The following NPEPPS variants were observed in gnomAD, a reference collection of about 807,000 sequenced individuals.
NPEPPS encodes puromycin-sensitive aminopeptidase.
In NPEPPS, 14 loss-of-function variants were observed where a neutral mutation model predicts 115.5. The observed-to-expected ratio is 0.12, with a 90% CI of 0.08 to 0.19. The LOEUF is 0.19. Among genes scored for constraint, NPEPPS ranks in the 10% least tolerant of loss-of-function variants. The pLI is 1.00. For synonymous variants in NPEPPS, 285 were observed against 390.6 expected, an observed-to-expected ratio of 0.73 and a Z score of 3.19; for missense variants, 523 against 1,110.8, an observed-to-expected ratio of 0.47 and a Z score of 7.52.
intron 17 of NPEPPS, among the ~76,000 whole-genome samples, chr17:47,610,559 T>C (rs1913789492): frequency 6.6e-6 from 1 of 151,636 alleles, no homozygotes; most frequent in Admixed American, 6.6e-5. Flanking sequence ...AATTTTTGTA[T>C]TATTAGTAGA....
chr17:47,542,874 C>G (rs62073974), intron 1 of NPEPPS, among the ~76,000 whole-genome samples: 7 of 152,072 alleles, frequency 4.6e-5, no homozygotes, highest in Non-Finnish European at 7.4e-5. Context: ...CGTGGTGGCT[C>G]ACGTCTGTAA....
At chr17:47,601,890 A>G in intron 15 of NPEPPS, 143 bp downstream of exon 15, 1 of 789,862 alleles carries the variant, frequency 1.3e-6, no homozygotes, top group East Asian at 2.8e-5. Flanking sequence ...ATTTTCATAT[A>G]GTATTGTCCA....
chr17:47,545,671 C>A (rs1339609135), intron 1 of NPEPPS, among the ~76,000 whole-genome samples: 1 of 152,032 alleles, frequency 6.6e-6, no homozygotes, highest in African/African-American at 2.4e-5. Context: ...ACTTCAACCT[C>A]CCGAGTAGCT....
At chr17:47,555,976 T>G (rs1321115146) in intron 2 of NPEPPS, among the ~76,000 whole-genome samples, 1 of 149,912 alleles carries the variant, frequency 6.7e-6, no homozygotes, top group Non-Finnish European at 1.5e-5. Context: ...GTGCCTTCTG[T>G]TTTACTTTTT....
At chr17:47,569,659 C>A (rs1490121720) in intron 3 of NPEPPS, among the ~76,000 whole-genome samples, 165 bp downstream of exon 3, 2 of 151,554 alleles carry the variant, frequency 1.3e-5, no homozygotes, top group Non-Finnish European at 2.9e-5. Context: ...ACTCTATTGC[C>A]CAGGCTGGAG....
intron 20 of NPEPPS, among the ~76,000 whole-genome samples, 169 bp downstream of exon 20, chr17:47,618,626 T>C (rs1235096795): frequency 1.3e-5 from 2 of 152,202 alleles, no homozygotes; most frequent in East Asian, 3.8e-4. Context: ...CTCCCACTAG[T>C]GGCGAGAATC....
rs1490247216 is a variant in NPEPPS, at chr17:47,555,148, G to A, written c.340+9155G>A. 3.9e-5 allele frequency among the ~76,000 whole-genome samples: 6 copies of A among 152,222 alleles called. No homozygotes were observed. The East Asian group carries it at 1.2e-3, about 29-fold the overall frequency. On this transcript the variant is annotated intron_variant, in intron 2 of 22. Transcript: ENST00000322157. ...ATTATTTCGTATTTGAGATTATTTT[G>A]TTACCAGCTTTAACTTGTATTTTAC...
chr17:47,615,297 C>T (rs1005557139), intron 19 of NPEPPS, among the ~76,000 whole-genome samples: 1 of 152,038 alleles, frequency 6.6e-6, no homozygotes, highest in Non-Finnish European at 1.5e-5. Context: ...AGGCAGGCCT[C>T]GAACTCCTGA....
Position 47,531,548 on chromosome 17 carries a change from C to T in NPEPPS, c.248C>T (p.Ala83Val), listed in dbSNP as rs753901730. ...ACCTTCGAGGGCAAGCTGGAGGCCG[C>T]CGCCCAGGTACAGCGACCCTCGGGC... ...DFTFEGKLEA[A>V]AQVRQATNQI... Residue 83 changes from alanine to valine, a missense_variant, in exon 1 of 23, where the codon GCC (alanine) becomes GTC (valine). Ala to Val is a moderately conservative substitution (Grantham distance 64, BLOSUM62 0). Coordinates refer to ENST00000322157, the MANE Select transcript of NPEPPS (RefSeq NM_006310.4). 2 of 1,604,230 alleles carry T rather than the reference C, an allele frequency of 1.2e-6. No homozygotes were observed. Among genetic ancestry groups the T allele is most frequent in the Admixed American group, 1.7e-5 (1 of 59,240 alleles).
chr17:47,555,907 T>C (rs1339203794), intron 2 of NPEPPS, among the ~76,000 whole-genome samples: 1 of 151,710 alleles, frequency 6.6e-6, no homozygotes, highest in African/African-American at 2.4e-5. Context: ...TGCTATAGTT[T>C]CAAGTTAATA....
upstream of NPEPPS, among the ~76,000 whole-genome samples, chr17:47,529,130 T>G (rs1195348431): frequency 1.3e-5 from 2 of 152,200 alleles, no homozygotes; most frequent in Non-Finnish European, 1.5e-5. Context: ...CTACATTCAG[T>G]TTTGGAAATT....
intron 4 of NPEPPS, chr17:47,581,611 A>G (rs1911879406): frequency 6.6e-6 from 1 of 151,660 alleles, no homozygotes; most frequent in Non-Finnish European, 1.5e-5. Context: ...TGTCTTTTTT[A>G]TTCATTGATA....
intron 17 of NPEPPS, among the ~76,000 whole-genome samples, chr17:47,609,305 A>G (rs544301997): frequency 2.2e-4 from 34 of 152,306 alleles, no homozygotes; most frequent in African/African-American, 7.9e-4. Context: ...GAGTACATGG[A>G]CACAGATGCA....
At chr17:47,610,615 C>G (rs1450388524) in intron 17 of NPEPPS, among the ~76,000 whole-genome samples, 1 of 152,032 alleles carries the variant, frequency 6.6e-6, no homozygotes, top group East Asian at 2.0e-4. Context: ...AGCTGTTGAC[C>G]TCGTGATCTG....
intron 21 of NPEPPS, 132 bp downstream of exon 21, chr17:47,619,296 G>GT (rs1436396166): frequency 1.1e-6 from 1 of 894,700 alleles, no homozygotes; most frequent in Admixed American, 2.0e-5. Context: ...GCTCACGCCT[G>GT]TAATACCAGC....
Position 47,596,452 on chromosome 17 carries a change from A to C in NPEPPS, c.1526A>C (p.Glu509Ala), listed in dbSNP as rs1161716310. 24 of 1,569,880 alleles carry C rather than the reference A, an allele frequency of 1.5e-5. No homozygotes were observed. The highest frequency in any genetic ancestry group is 2.0e-5 in the Non-Finnish European group (23 of 1,151,990). The stretch of plus-strand genomic sequence containing the variant: ...ATGGGATTTCCCCTCATTTATGTGG[A>C]AGCTGAACAGGTAAACATATAAAGT... ...KQMGFPLIYV[E>A]AEQVEDDRLL... Residue 509 changes from glutamate (E) to alanine (A), a missense_variant, in exon 13 of 23, where the codon GAA (glutamate) becomes GCA (alanine). Glu to Ala is a moderately radical substitution (Grantham distance 107). Coordinates refer to ENST00000322157, the MANE Select transcript of NPEPPS (RefSeq NM_006310.4).
chr17:47,528,926 G>A (rs1396512558), upstream of NPEPPS, among the ~76,000 whole-genome samples: 2 of 151,908 alleles, frequency 1.3e-5, no homozygotes, highest in Non-Finnish European at 2.9e-5. Context: ...GTGAGCCACC[G>A]TGCCCGGCCT....
At chr17:47,592,460 G>A (rs1912566458) in intron 11 of NPEPPS, 25 bp from the exon 12 acceptor site, 2 of 1,557,804 alleles carry the variant, frequency 1.3e-6, no homozygotes, top group African/African-American at 1.4e-5. Context: ...GACTTCCCTG[G>A]ATTTTAAAAA....
chr17:47,598,963 A>G (rs1184178935), intron 13 of NPEPPS, among the ~76,000 whole-genome samples: 3 of 152,316 alleles, frequency 2.0e-5, no homozygotes, highest in Non-Finnish European at 2.9e-5. Flanking sequence ...ATCCTGGGCA[A>G]TATTATAGTG....
Sources: gnomAD v4.1 joint callset for allele counts (sites outside exome capture counted in the v4.1 genomes callset) on GRCh38, gnomAD v4.1.1 for gene constraint, MANE v1.5 for transcripts, NCBI Gene and HGNC (gene_info 2026-07-23, HGNC 2026-07-21) for gene names.